Variants in IL1RAPL1 observed in about 807,000 individuals in gnomAD.
IL1RAPL1 encodes the protein interleukin 1 receptor accessory protein like 1.
Under a neutral mutation model 48.4 loss-of-function variants are expected in IL1RAPL1, and 3 were observed. The observed-to-expected ratio is 0.06, with a 90% CI of 0.03 to 0.16. The LOEUF (loss-of-function observed/expected upper bound fraction) is 0.16, where lower values mean the gene tolerates loss of function less well. Among genes scored for constraint, IL1RAPL1 ranks in the 10% least tolerant of loss-of-function variants. The pLI is 1.00. For missense variants in IL1RAPL1, 349 were observed against 530.6 expected, an observed-to-expected ratio of 0.66 and a Z score of 3.36; for synonymous variants, 185 against 187.7, an observed-to-expected ratio of 0.99 and a Z score of 0.12.
At chrX:28,857,216 C>T (rs751253864) in intron 2 of IL1RAPL1, among the ~76,000 whole-genome samples, 21 of 111,845 alleles carry the variant, frequency 1.9e-4, no homozygotes, top group Non-Finnish European at 3.8e-4. Context: ...GATGTTGGTT[C>T]ATGAGGTTTA....
chrX:29,055,230 CCT>C (rs1235232588), intron 2 of IL1RAPL1, among the ~76,000 whole-genome samples: 4 of 110,598 alleles, frequency 3.6e-5, no homozygotes, highest in Non-Finnish European at 7.6e-5. Flanking sequence ...TGAATGTTCC[CCT>C]CAGTGCAATT....
In IL1RAPL1 at chrX:29,189,263, T is replaced by C. The variant is rs771461340; in HGVS notation, c.83-93675T>C. Among the ~76,000 whole-genome samples the C allele has an allele frequency of 4.0e-4, 45 of 112,227 alleles. 1 individual carries two copies. The highest frequency in any genetic ancestry group is 7.7e-4 in the Non-Finnish European group (41 of 53,240). On this transcript the variant is annotated intron_variant, in intron 2 of 10. Coordinates refer to ENST00000378993, the MANE Select transcript of IL1RAPL1 (RefSeq NM_014271.4). ...ACACTTAAGTGTTATAAGCTCTGAATGTATTAATGATATGATTTTGGACAA... is the reference window on the plus strand; with the variant it reads ...ACACTTAAGTGTTATAAGCTCTGAACGTATTAATGATATGATTTTGGACAA...
intron 6 of IL1RAPL1, among the ~76,000 whole-genome samples, chrX:29,884,415 C>T (rs1190840841): frequency 9.0e-6 from 1 of 110,524 alleles, no homozygotes; most frequent in East Asian, 2.9e-4. Context: ...CCCATGGCTC[C>T]CAGGACACCA....
intron 5 of IL1RAPL1, among the ~76,000 whole-genome samples, chrX:29,509,224 T>C (rs892678963): frequency 8.9e-6 from 1 of 112,209 alleles, no homozygotes; most frequent in African/African-American, 3.2e-5. Flanking sequence ...GAAGCTGCAG[T>C]CTACAGATGG....
intron 2 of IL1RAPL1, among the ~76,000 whole-genome samples, chrX:29,218,236 G>A (rs928975466): frequency 7.2e-5 from 8 of 111,600 alleles, no homozygotes; most frequent in Admixed American, 9.6e-5. Context: ...GGACACATCC[G>A]GTATAATTTT....
chrX:28,893,227 T>C (rs1922819227), intron 2 of IL1RAPL1, among the ~76,000 whole-genome samples: 1 of 111,693 alleles, frequency 9.0e-6, no homozygotes, highest in Admixed American at 9.5e-5. Flanking sequence ...CTGTACCTTG[T>C]AGCATTCTGA....
At position 29,373,867 on chromosome X, in the gene IL1RAPL1, A is replaced by ATTTTT. The variant is rs59750110; in HGVS notation, c.363-22369_363-22365dup. On this transcript the variant is annotated intron_variant, in intron 3 of 10. Transcript: ENST00000378993. ...TTTGTTGTGATGACCTCTCTTTTTA[A>ATTTTT]TTTTTTTTTTTTTTTTTTTTTTTTT... Among the ~76,000 whole-genome samples, 30 of 21,639 alleles carry ATTTTT rather than the reference A, an allele frequency of 1.4e-3. 4 individuals carry two copies. The highest frequency in any genetic ancestry group is 1.9e-3 in the African/African-American group (9 of 4,660). 18.8% of individuals were successfully genotyped at this position (21,639 alleles called of 115,157 possible). A position where few individuals can be genotyped will look rare whatever the true frequency, so the allele number is the denominator to read the frequency against.
At chrX:28,840,935 G>A (rs1569183911) in intron 2 of IL1RAPL1, among the ~76,000 whole-genome samples, 3 of 111,062 alleles carry the variant, frequency 2.7e-5, no homozygotes, top group South Asian at 3.7e-4. Flanking sequence ...ATGTGGTCTT[G>A]TAAAATAGTC....
rs146208983 is a variant in IL1RAPL1, at chrX:29,456,516, G to A, written c.703+57208G>A. Among the ~76,000 whole-genome samples the A allele has an allele frequency of 4.9e-3, 531 of 109,431 alleles. 3 individuals are homozygous for A. Among genetic ancestry groups the A allele is most frequent in the African/African-American group, 0.018 (513 of 29,210 alleles). On this transcript the variant is annotated intron_variant, in intron 5 of 10. Transcript: ENST00000378993. ...TCACAGAATACAAGAAAGAAAAAGG[G>A]AGTCATTCATTTTATTTCATTAAAA...
chrX:28,768,733 C>T (rs113989358), intron 1 of IL1RAPL1, among the ~76,000 whole-genome samples: 3 of 65,749 alleles, frequency 4.6e-5, no homozygotes, highest in African/African-American at 6.2e-5. Context: ...CTCTCTGTCT[C>T]TCTCTCTCTC....
chrX:28,695,699 T>C (rs1935222246), intron 1 of IL1RAPL1, among the ~76,000 whole-genome samples: 1 of 111,935 alleles, frequency 8.9e-6, no homozygotes, highest in African/African-American at 3.2e-5. Flanking sequence ...TCAGCAACTG[T>C]TTGCTGAGTA....
chrX:29,782,090 C>G (rs1185826739), intron 6 of IL1RAPL1, among the ~76,000 whole-genome samples: 1 of 79,353 alleles, frequency 1.3e-5, no homozygotes, highest in East Asian at 4.2e-4. Context: ...GTCTGTCTGT[C>G]TGTCTGTCTG....
At chrX:29,363,534 G>A (rs983484026) in intron 3 of IL1RAPL1, among the ~76,000 whole-genome samples, 16 of 111,735 alleles carry the variant, frequency 1.4e-4, no homozygotes, top group Middle Eastern at 4.6e-3. Flanking sequence ...AAGAAATGGA[G>A]TTGTATTAAT....
At chrX:29,268,459 T>G (rs1275888660) in intron 2 of IL1RAPL1, among the ~76,000 whole-genome samples, 1 of 109,195 alleles carries the variant, frequency 9.2e-6, no homozygotes, top group Non-Finnish European at 1.9e-5. Flanking sequence ...GGTGGCCTTT[T>G]CTGTCAAATA....
intron 1 of IL1RAPL1, among the ~76,000 whole-genome samples, chrX:28,619,056 T>C (rs1395756177): frequency 8.9e-6 from 1 of 112,300 alleles, no homozygotes; most frequent in Non-Finnish European, 1.9e-5. Context: ...GCAGGTTCAT[T>C]TGTAGACTCA....
At chrX:29,791,726 CTTTTTT>C (rs1192890486) in intron 6 of IL1RAPL1, among the ~76,000 whole-genome samples, 2 of 75,389 alleles carry the variant, frequency 2.7e-5, no homozygotes, top group Non-Finnish European at 5.1e-5. Flanking sequence ...GCCCAGCCTT[CTTTTTT>C]TTTTTTTTTT....
intron 6 of IL1RAPL1, among the ~76,000 whole-genome samples, chrX:29,733,316 T>C: frequency 8.9e-6 from 1 of 112,237 alleles, no homozygotes; most frequent in South Asian, 3.7e-4. Context: ...GACTTCTTCC[T>C]TTTTTTAGTA....
intron 2 of IL1RAPL1, among the ~76,000 whole-genome samples, chrX:28,897,374 G>A (rs1601949262): frequency 8.9e-6 from 1 of 111,841 alleles, no homozygotes; most frequent in Non-Finnish European, 1.9e-5. Flanking sequence ...CTGTCTTCCC[G>A]AGCCCGTGAC....
At chrX:28,923,722 C>G (rs1923671219) in intron 2 of IL1RAPL1, among the ~76,000 whole-genome samples, 1 of 110,594 alleles carries the variant, frequency 9.0e-6, no homozygotes. Flanking sequence ...AAAATTCTTC[C>G]AACTTTTCTG....
Sources: gnomAD v4.1 joint callset for allele counts (sites outside exome capture counted in the v4.1 genomes callset) on GRCh38, gnomAD v4.1.1 for gene constraint, MANE v1.5 for transcripts, NCBI Gene and HGNC (gene_info 2026-07-23, HGNC 2026-07-21) for gene names.